Variants in WDR44 observed in about 807,000 individuals in gnomAD.
WDR44 encodes the protein WD repeat-containing protein 44.
A neutral mutation model predicts 65.7 loss-of-function variants in WDR44; 9 were observed. The observed-to-expected ratio is 0.14, with a 90% confidence interval of 0.08 to 0.24. WDR44 has a LOEUF of 0.24. Among genes scored for constraint, WDR44 ranks in the 10% least tolerant of loss-of-function variants. The pLI is 1.00. For missense variants in WDR44, 425 were observed against 670.9 expected (o/e 0.63, Z 4.05); for synonymous variants, 220 against 235.2 (o/e 0.94, Z 0.59).
chrX:118,353,527 G>GT (rs1415062362), intron 1 of WDR44, among the ~76,000 whole-genome samples: 1 of 112,026 alleles, frequency 8.9e-6, no homozygotes, highest in African/African-American at 3.2e-5. Context: ...AGAGTCAGTT[G>GT]TTTTTTAAGT....
intron 14 of WDR44, among the ~76,000 whole-genome samples, chrX:118,438,216 T>G (rs1365901298): frequency 9.0e-6 from 1 of 110,522 alleles, no homozygotes; most frequent in East Asian, 2.9e-4. Context: ...CTTACCAGTT[T>G]TGATGATCAA....
chrX:118,347,061 C>T (rs753917580), intron 1 of WDR44, among the ~76,000 whole-genome samples: 64 of 112,153 alleles, frequency 5.7e-4, no homozygotes, highest in Non-Finnish European at 1.1e-3. Context: ...CCCTATTTGC[C>T]GTCCTCTTTT....
chrX:118,376,213 C>T (rs1284523689), intron 1 of WDR44, among the ~76,000 whole-genome samples: 1 of 111,864 alleles, frequency 8.9e-6, no homozygotes, highest in Non-Finnish European at 1.9e-5. Flanking sequence ...GCTGGGATTA[C>T]AGGTATGAGC....
At chrX:118,436,075 T>C (rs2057251753) in intron 13 of WDR44, among the ~76,000 whole-genome samples, 1 of 111,919 alleles carries the variant, frequency 8.9e-6, no homozygotes, top group African/African-American at 3.3e-5. Context: ...CAGATAGATG[T>C]TTGTTTCCTG....
At chrX:118,369,362 G>A (rs1346754238) in intron 1 of WDR44, among the ~76,000 whole-genome samples, 2 of 107,792 alleles carry the variant, frequency 1.9e-5, no homozygotes, top group Non-Finnish European at 3.8e-5. Context: ...TGGTAGAGAC[G>A]GGGTTTCACT....
intron 1 of WDR44, among the ~76,000 whole-genome samples, chrX:118,378,091 G>A (rs112346467): frequency 0.073 from 7,993 of 110,156 alleles, 716 homozygotes; most frequent in African/African-American, 0.25. Context: ...AAGTAGCTGG[G>A]ATTATAGGCA....
intron 3 of WDR44, among the ~76,000 whole-genome samples, chrX:118,388,688 AT>A: frequency 8.9e-6 from 1 of 111,888 alleles, no homozygotes; most frequent in East Asian, 2.8e-4. Context: ...GAATTGAACC[AT>A]TTTTTTAAAA....
chrX:118,377,563 C>T (rs2056672343), intron 1 of WDR44, among the ~76,000 whole-genome samples: 1 of 110,373 alleles, frequency 9.1e-6, no homozygotes, highest in African/African-American at 3.3e-5. Context: ...TATTAAGAAA[C>T]AGGCATTCAC....
intron 14 of WDR44, among the ~76,000 whole-genome samples, chrX:118,438,442 C>T (rs6603413): frequency 0.27 from 29,079 of 109,098 alleles, 3,179 homozygotes; most frequent in African/African-American, 0.39. Context: ...TTTTATTTAT[C>T]TATTTTTGGA....
rs1444621627 is a variant in WDR44, at chrX:118,392,985, A to G, written c.540A>G (p.Ala180=). ...ETETEVLNKE[A]VEVKGGGDVL... is the part of the protein sequence containing the mutation. ...AAACAGAAGTATTGAACAAGGAAGC[A>G]GTGGAAGTCAAAGGAGGTGGTGATG... Residue 180 remains alanine (A), a synonymous_variant, in exon 4 of 20, where the codon GCA becomes GCG. Transcript: ENST00000254029. 8.2e-7 allele frequency: 1 copy of G among 1,212,415 alleles called. No homozygotes were observed. Among genetic ancestry groups the G allele is most frequent in the Non-Finnish European group, 1.1e-6 (1 of 895,678 alleles).
chrX:118,389,497 G>C (rs1249966287), intron 3 of WDR44, among the ~76,000 whole-genome samples: 1 of 110,521 alleles, frequency 9.0e-6, no homozygotes, highest in Non-Finnish European at 1.9e-5. Flanking sequence ...GAGGCAGGCG[G>C]ATCACCTGAG....
At chrX:118,439,515 G>T (rs1256840815) in intron 14 of WDR44, among the ~76,000 whole-genome samples, 1 of 110,602 alleles carries the variant, frequency 9.0e-6, no homozygotes, top group Non-Finnish European at 1.9e-5. Flanking sequence ...GGCGGAGGTT[G>T]CAGTGAGCCA....
At chrX:118,379,005 C>T (rs964978086) in intron 2 of WDR44, among the ~76,000 whole-genome samples, 6 of 108,819 alleles carry the variant, frequency 5.5e-5, no homozygotes, top group African/African-American at 1.0e-4. Flanking sequence ...GATCGTGCCA[C>T]TGCACTCCAG....
At position 118,397,117 on chromosome X, in the gene WDR44, ATGT is replaced by A; in HGVS notation, c.1190+16_1190+18del. ...AAAAGAATATGTAAGGTATGGCCTA[ATGT>A]TGTTATTTGTCATTTCTAGTATTTC... is the stretch of plus-strand genomic sequence containing the variant. On this transcript the variant is annotated intron_variant, in intron 7 of 19. Transcript: ENST00000254029. The A allele has an allele frequency of 1.8e-6, 2 of 1,137,575 alleles. No individual in the cohort carries two copies. Among genetic ancestry groups the A allele is most frequent in the Non-Finnish European group, 2.3e-6 (2 of 861,770 alleles). The allele number at this position is 1,137,575 out of a possible 1,213,427, so 93.7% of individuals were successfully genotyped here.
At chrX:118,367,560 A>G (rs774667822) in intron 1 of WDR44, among the ~76,000 whole-genome samples, 2 of 111,813 alleles carry the variant, frequency 1.8e-5, no homozygotes, top group Non-Finnish European at 3.8e-5. Context: ...TTACTAGTGT[A>G]GAGAGGCTGC....
rs1417765478 is a variant in WDR44 at position 118,449,265 on chromosome X, A to G, written c.*278A>G. 2.5e-5 allele frequency: 4 copies of G among 162,889 alleles called. No homozygotes were observed. Among genetic ancestry groups the G allele is most frequent in the East Asian group, 1.3e-4 (1 of 7,776 alleles). 13.4% of individuals were successfully genotyped at this position (162,889 alleles called of 1,213,427 possible). A position where few individuals can be genotyped will look rare whatever the true frequency, so the allele number is the denominator to read the frequency against. ...TGAACATGCACAAGTTTCTGCATGAAAAGATATTAATATATTAATCACATG... is the reference window on the plus strand; with the variant it reads ...TGAACATGCACAAGTTTCTGCATGAGAAGATATTAATATATTAATCACATG... On this transcript the variant is annotated 3_prime_UTR_variant, in exon 20 of 20. Coordinates refer to ENST00000254029, the MANE Select transcript of WDR44 (RefSeq NM_019045.5).
chrX:118,357,516 A>C (rs964885993), intron 1 of WDR44, among the ~76,000 whole-genome samples: 1 of 111,722 alleles, frequency 9.0e-6, no homozygotes, highest in African/African-American at 3.2e-5. Flanking sequence ...TTAAATTTTT[A>C]AAAAGGGGGG....
At chrX:118,403,277 A>G (rs567782648) in intron 8 of WDR44, among the ~76,000 whole-genome samples, 17 of 111,472 alleles carry the variant, frequency 1.5e-4, no homozygotes, top group African/African-American at 5.2e-4. Flanking sequence ...TGTAACAAAA[A>G]CTCTGTCTAA....
At chrX:118,352,348 A>T (rs1283069782) in intron 1 of WDR44, among the ~76,000 whole-genome samples, 377 of 23,270 alleles carry the variant, frequency 0.016, 13 homozygotes, top group African/African-American at 0.13. Flanking sequence ...ATATATATAT[A>T]TATATTTTTT....
Sources: allele counts gnomAD v4.1 joint callset (sites outside exome capture counted in the v4.1 genomes callset), GRCh38; gene constraint gnomAD v4.1.1; transcripts MANE v1.5; gene names NCBI Gene and HGNC (gene_info 2026-07-23, HGNC 2026-07-21).